UBE2E2: variants seen among roughly 807,000 people sequenced by gnomAD.
UBE2E2 encodes the protein ubiquitin-conjugating enzyme E2 E2.
A neutral mutation model predicts 24.7 loss-of-function variants in UBE2E2; 6 were observed. That is an observed-to-expected ratio of 0.24 (90% CI 0.13 to 0.48). The LOEUF is 0.48. Ranked by LOEUF, UBE2E2 falls within the 20% of genes least tolerant of loss-of-function variation. UBE2E2 has a pLI of 0.99. For missense variants in UBE2E2, 169 were observed against 245.0 expected (o/e 0.69, Z 2.07); for synonymous variants, 104 against 83.6 (o/e 1.24, Z -1.33).
At chr3:23,329,513 G>A (rs1695003923) in intron 3 of UBE2E2, among the ~76,000 whole-genome samples, 1 of 152,200 alleles carries the variant, frequency 6.6e-6, no homozygotes, top group Non-Finnish European at 1.5e-5. Context: ...ATGAATTGAC[G>A]CAAGGAATTT....
chr3:23,406,952 G>T (rs540001744), intron 3 of UBE2E2, among the ~76,000 whole-genome samples: 1 of 152,302 alleles, frequency 6.6e-6, no homozygotes, highest in Non-Finnish European at 1.5e-5. Context: ...TCCCCCATGA[G>T]GAGGGCAGGG....
intron 3 of UBE2E2, 122 bp downstream of exon 3, chr3:23,217,434 A>C (rs887037240): frequency 4.6e-6 from 4 of 865,294 alleles, no homozygotes; most frequent in Non-Finnish European, 5.6e-6. Context: ...TGTTGTTTGA[A>C]CTTAAGTGAC....
intron 3 of UBE2E2, among the ~76,000 whole-genome samples, chr3:23,485,111 T>C (rs1017004421): frequency 7.2e-6 from 1 of 138,088 alleles, no homozygotes; most frequent in African/African-American, 2.6e-5. Context: ...TTTTTTTTTT[T>C]TGAGATGGAG....
intron 3 of UBE2E2, among the ~76,000 whole-genome samples, chr3:23,457,659 G>A (rs958522617): frequency 1.3e-5 from 2 of 152,134 alleles, no homozygotes; most frequent in South Asian, 2.1e-4. Context: ...TGGACTACAG[G>A]CATTCACCAC....
At chr3:23,467,842 A>G (rs1698956554) in intron 3 of UBE2E2, among the ~76,000 whole-genome samples, 1 of 152,140 alleles carries the variant, frequency 6.6e-6, no homozygotes, top group Non-Finnish European at 1.5e-5. Context: ...ACTTACAATC[A>G]TGGCAGAAGG....
intron 3 of UBE2E2, among the ~76,000 whole-genome samples, chr3:23,478,498 C>A (rs1699185293): frequency 1.3e-5 from 2 of 152,062 alleles, no homozygotes; most frequent in Admixed American, 6.6e-5. Context: ...TTCCAGGTCC[C>A]ATCAGGGAAC....
intron 3 of UBE2E2, among the ~76,000 whole-genome samples, chr3:23,354,185 T>G (rs1429111859): frequency 2.0e-5 from 3 of 152,070 alleles, no homozygotes; most frequent in Non-Finnish European, 2.9e-5. Flanking sequence ...GCTAGCCATA[T>G]GTAGAAAGCT....
intron 4 of UBE2E2, among the ~76,000 whole-genome samples, chr3:23,515,929 A>T (rs1694727667): frequency 6.6e-6 from 1 of 152,160 alleles, no homozygotes; most frequent in Non-Finnish European, 1.5e-5. Context: ...TAATGATGCC[A>T]CTATACTCCA....
At chr3:23,412,645 T>G (rs1348086448) in intron 3 of UBE2E2, among the ~76,000 whole-genome samples, 1 of 152,198 alleles carries the variant, frequency 6.6e-6, no homozygotes, top group African/African-American at 2.4e-5. Context: ...TATTATTACC[T>G]TAGTTAAGAG....
intron 3 of UBE2E2, among the ~76,000 whole-genome samples, chr3:23,351,714 G>A (rs1256002039): frequency 6.6e-6 from 1 of 152,016 alleles, no homozygotes; most frequent in Non-Finnish European, 1.5e-5. Context: ...CCCAATACAG[G>A]AGCACCCAGA....
chr3:23,513,392 A>G (rs1462878418), intron 4 of UBE2E2, among the ~76,000 whole-genome samples: 1 of 152,152 alleles, frequency 6.6e-6, no homozygotes, highest in Admixed American at 6.5e-5. Flanking sequence ...CCATATTTGT[A>G]TGTGTAGATC....
intron 4 of UBE2E2, among the ~76,000 whole-genome samples, chr3:23,520,609 T>G (rs1694841717): frequency 6.6e-6 from 1 of 152,230 alleles, no homozygotes; most frequent in Non-Finnish European, 1.5e-5. Context: ...TAGCTGTAAA[T>G]TTACTTATCA....
chr3:23,462,574 C>T (rs1698826731), intron 3 of UBE2E2, among the ~76,000 whole-genome samples: 1 of 152,108 alleles, frequency 6.6e-6, no homozygotes, highest in Non-Finnish European at 1.5e-5. Flanking sequence ...TGCTAGGCAC[C>T]AGTCTAGGCA....
chr3:23,571,276 C>CTTTTTTTTTTTTT (rs1559425735), intron 5 of UBE2E2, among the ~76,000 whole-genome samples: 1 of 24,690 alleles, frequency 4.1e-5, no homozygotes, highest in Non-Finnish European at 9.5e-5. Context: ...CTGTGTGCTC[C>CTTTTTTTTTTTTT]TTTCTTTTTT....
Position 23,413,744 on chromosome 3 carries a change from C to A in UBE2E2, c.228-85864C>A, listed in dbSNP as rs565158879. On this transcript the variant is annotated intron_variant, in intron 3 of 5. Coordinates refer to ENST00000396703, the MANE Select transcript of UBE2E2 (RefSeq NM_152653.4). The stretch of plus-strand genomic sequence containing the variant: ...AGAGTAATTGCCTGTATTTTGTTCT[C>A]TAGGCCCTAATACACGGTAAGCTCT... 2.0e-5 allele frequency among the ~76,000 whole-genome samples: 3 copies of A among 152,250 alleles called. No individual in the cohort carries two copies. In the East Asian group the frequency reaches 5.8e-4, roughly 29 times the overall value.
intron 3 of UBE2E2, among the ~76,000 whole-genome samples, chr3:23,248,369 T>C (rs1697475250): frequency 6.6e-6 from 1 of 152,264 alleles, no homozygotes; most frequent in African/African-American, 2.4e-5. Context: ...CTTAATTCTC[T>C]ACTATAATCC....
chr3:23,467,051 C>T (rs1465682748), intron 3 of UBE2E2, among the ~76,000 whole-genome samples: 2 of 152,050 alleles, frequency 1.3e-5, no homozygotes, highest in Admixed American at 1.3e-4. Flanking sequence ...GGTAAAACCC[C>T]AAAGCTGTTT....
rs554909204 is a variant in UBE2E2, at chr3:23,283,719, A to G, written c.227+66407A>G. On this transcript the variant is annotated intron_variant, in intron 3 of 5. Coordinates refer to ENST00000396703, the MANE Select transcript of UBE2E2 (RefSeq NM_152653.4). ...AGTGAGCCATGATCACAGCACTGCA[A>G]TCCAGCCTGGGTGACAGAGCAAGAC... Among the ~76,000 whole-genome samples the G allele has an allele frequency of 2.0e-4, 30 of 152,208 alleles. 1 individual carries two copies. The highest frequency in any genetic ancestry group is 5.8e-4 in the East Asian group (3 of 5,172).
intron 3 of UBE2E2, among the ~76,000 whole-genome samples, chr3:23,222,164 A>G (rs1696666849): frequency 6.6e-6 from 1 of 152,170 alleles, no homozygotes. Context: ...ATGTTGCTGC[A>G]CATGACAGGA....
Sources: allele counts gnomAD v4.1 joint callset (sites outside exome capture counted in the v4.1 genomes callset), GRCh38; gene constraint gnomAD v4.1.1; transcripts MANE v1.5; gene names NCBI Gene and HGNC (gene_info 2026-07-23, HGNC 2026-07-21).